Variants in ANK2 observed in about 807,000 individuals in gnomAD.
ANK2 encodes ankyrin-2.
In ANK2, 83 loss-of-function variants were observed where a neutral mutation model predicts 360.5. The ratio of observed to expected loss-of-function variants is 0.23; its 90% CI spans 0.19 to 0.28. ANK2 has a LOEUF of 0.28. Ranked by LOEUF, ANK2 falls within the 10% of genes least tolerant of loss-of-function variation. The pLI is 1.00. For synonymous variants in ANK2, 1,740 were observed against 1,759.5 expected, an observed-to-expected ratio of 0.99 and a Z score of 0.28; for missense variants, 4,201 against 4,795.7, an observed-to-expected ratio of 0.88 and a Z score of 3.66.
chr4:113,084,926 G>C (rs188322269), intron 1 of ANK2, among the ~76,000 whole-genome samples: 99 of 152,226 alleles, frequency 6.5e-4, no homozygotes, highest in Admixed American at 5.4e-3. Context: ...GCCCCTTTTT[G>C]GACAAAGAAT....
chr4:113,242,302 A>C lies in ANK2; in HGVS notation c.891+93A>C, dbSNP rs532973812. On this transcript the variant is annotated intron_variant, in intron 9 of 45. Transcript: ENST00000357077. ...AAGACACCAGGTCATTAACATAAGC[A>C]ATGTGTTTTCAAGGAAATTGCTTTA... is the stretch of plus-strand genomic sequence containing the variant. The C allele has an allele frequency of 9.8e-5, 108 of 1,101,628 alleles. No homozygotes were observed. In the African/African-American group the frequency reaches 1.4e-3, roughly 14 times the overall value. The allele number at this position is 1,101,628 out of a possible 1,614,324, so 68.2% of individuals were successfully genotyped here. A position where few individuals can be genotyped will look rare whatever the true frequency, so the allele number is the denominator to read the frequency against.
the ANK2 span, among the ~76,000 whole-genome samples, chr4:112,723,054 CAACGA>C: frequency 6.6e-5 from 10 of 152,076 alleles, no homozygotes; most frequent in African/African-American, 2.4e-4. Flanking sequence ...CATTGCCATC[CAACGA>C]AACTAAGTTT....
At chr4:113,364,998 AC>A in intron 40 of ANK2, 40 bp from the exon 41 acceptor site, 1 of 1,612,602 alleles carries the variant, frequency 6.2e-7, no homozygotes, top group Non-Finnish European at 8.5e-7. Flanking sequence ...TTTTAAGAGT[AC>A]CTCTCAGACA....
In ANK2 at chr4:112,849,484, A is replaced by G. The variant is rs148683234; in HGVS notation, c.-40+31220A>G. Among the ~76,000 whole-genome samples, 8 of 152,208 alleles carry G rather than the reference A, an allele frequency of 5.3e-5. No individual in the cohort carries two copies. The East Asian group carries it at 1.2e-3, about 22-fold the overall frequency. On this transcript the variant is annotated intron_variant, in intron 1 of 30. Transcript: ENST00000503271. ...TCCCCCAGCTCTCTTCACTGCACAT[A>G]CCTGGTTTATTACTCCTTTCTGGAT...
intron 1 of ANK2, among the ~76,000 whole-genome samples, chr4:113,155,062 G>A (rs2097230651): frequency 6.6e-6 from 1 of 152,172 alleles, no homozygotes; most frequent in African/African-American, 2.4e-5. Flanking sequence ...ATGTATGAAT[G>A]TGTATAGCAA....
At chr4:113,233,152 T>TTTTTTTG in intron 5 of ANK2, among the ~76,000 whole-genome samples, 1 of 120,196 alleles carries the variant, frequency 8.3e-6, no homozygotes, top group Non-Finnish European at 1.7e-5. Context: ...TTTTTTTTTT[T>TTTTTTTG]GAGACGGAGT....
At chr4:113,083,386 G>T (rs534217739) in intron 1 of ANK2, among the ~76,000 whole-genome samples, 128 of 152,206 alleles carry the variant, frequency 8.4e-4, no homozygotes, top group African/African-American at 2.9e-3. Flanking sequence ...GTCTTGCTAT[G>T]TTGGTCTCAA....
intron 1 of ANK2, among the ~76,000 whole-genome samples, chr4:113,058,184 T>G (rs530921746): frequency 1.3e-5 from 2 of 152,184 alleles, no homozygotes; most frequent in East Asian, 3.9e-4. Flanking sequence ...CAGTGCCACT[T>G]CAAAGAACAC....
chr4:113,258,389 C>T lies in ANK2; in HGVS notation c.1364C>T (p.Ala455Val), dbSNP rs1305931806. Residue 455 changes from alanine (A) to valine (V), a missense_variant, in exon 13 of 46, where the codon GCC (alanine) becomes GTC (valine). By Grantham distance (64) the Ala-to-Val change is moderately conservative. Transcript: ENST00000357077. The stretch of plus-strand genomic sequence containing the variant: ...GTCCTCCTTCTGCTGCAGAACGGAG[C>T]CTCTCCAGATGTCACTAACATTGTG... ...NIVLLLLQNGASPDVTNIRGE... is the reference protein window; with the variant it reads ...NIVLLLLQNGVSPDVTNIRGE... 3 of 1,614,028 alleles carry T rather than the reference C, an allele frequency of 1.9e-6. No individual in the cohort carries two copies. Among genetic ancestry groups the T allele is most frequent in the South Asian group, 2.2e-5 (2 of 91,080 alleles).
At chr4:112,927,638 G>A (rs2092727491) in intron 2 of ANK2, among the ~76,000 whole-genome samples, 2 of 152,116 alleles carry the variant, frequency 1.3e-5, no homozygotes, top group South Asian at 4.1e-4. Flanking sequence ...TATTGTTTCA[G>A]ATTTGTCAAG....
At chr4:112,827,611 C>A in intron 1 of ANK2, 1 of 882,340 alleles carries the variant, frequency 1.1e-6, no homozygotes. Flanking sequence ...GAAGGGACCA[C>A]TCTACTCTCC....
At chr4:112,714,783 G>A in the ANK2 span, among the ~76,000 whole-genome samples, 1 of 152,164 alleles carries the variant, frequency 6.6e-6, no homozygotes, top group Non-Finnish European at 1.5e-5. Flanking sequence ...GAGACGTTTA[G>A]CATTTTATGT....
At chr4:112,943,829 T>C (rs2094392134) in intron 2 of ANK2, among the ~76,000 whole-genome samples, 1 of 152,126 alleles carries the variant, frequency 6.6e-6, no homozygotes, top group Non-Finnish European at 1.5e-5. Context: ...GGGAAGAGAT[T>C]ACTTTGAGAG....
intron 1 of ANK2, among the ~76,000 whole-genome samples, chr4:113,073,044 C>T (rs1363898518): frequency 1.4e-5 from 2 of 146,284 alleles, no homozygotes; most frequent in Non-Finnish European, 3.0e-5. Flanking sequence ...TCACTGCAAC[C>T]TCCGCCTCCC....
chr4:113,246,950 A>T (rs2043202850), intron 9 of ANK2, among the ~76,000 whole-genome samples: 1 of 152,186 alleles, frequency 6.6e-6, no homozygotes, highest in Admixed American at 6.5e-5. Flanking sequence ...GACCTAGGAC[A>T]CAGAACTTTG....
At chr4:113,083,440 G>T (rs964547366) in intron 1 of ANK2, among the ~76,000 whole-genome samples, 2 of 152,090 alleles carry the variant, frequency 1.3e-5, no homozygotes, top group Non-Finnish European at 2.9e-5. Flanking sequence ...CTCCCAAAGC[G>T]CTAGGATTAC....
chr4:113,120,150 T>G (rs1472872544), intron 1 of ANK2, among the ~76,000 whole-genome samples: 1 of 152,156 alleles, frequency 6.6e-6, no homozygotes, highest in Admixed American at 6.6e-5. Context: ...ACCGAATATC[T>G]ATTGTATGTG....
intron 1 of ANK2, among the ~76,000 whole-genome samples, chr4:112,873,883 A>G (rs2074117048): frequency 6.6e-6 from 1 of 151,728 alleles, no homozygotes; most frequent in Non-Finnish European, 1.5e-5. Context: ...TGGTGAGAGA[A>G]TATACTGTGT....
chr4:112,809,558 C>G, the ANK2 span, among the ~76,000 whole-genome samples: 1 of 81,748 alleles, frequency 1.2e-5, no homozygotes, highest in East Asian at 2.0e-3. Context: ...AAGACTCCGT[C>G]TAAAAAAAAA....
Sources: gnomAD v4.1 joint callset for allele counts (sites outside exome capture counted in the v4.1 genomes callset) on GRCh38, gnomAD v4.1.1 for gene constraint, MANE v1.5 for transcripts, NCBI Gene and HGNC (gene_info 2026-07-23, HGNC 2026-07-21) for gene names.